Variants in SKIC2 observed in about 807,000 individuals in gnomAD.
SKIC2 encodes SKI2 subunit of superkiller complex, also known as superkiller complex protein 2.
the SKIC2 span, chr6:31,960,080 C>T: frequency 6.2e-7 from 1 of 1,613,114 alleles, no homozygotes; most frequent in East Asian, 2.2e-5. Flanking sequence ...CTGTCATCCC[C>T]AGCCTGGCTG....
chr6:31,963,264 T>G, the SKIC2 span: 3 of 851,516 alleles, frequency 3.5e-6, no homozygotes, highest in Non-Finnish European at 5.4e-6. This position sits in a 1 kb window ranked among gnomAD's most constrained non-coding sequence, Gnocchi z 5.3. Flanking sequence ...TTACTTTGCA[T>G]GTTGAAATGG....
the SKIC2 span, chr6:31,964,079 A>G: frequency 6.2e-7 from 1 of 1,612,658 alleles, no homozygotes; most frequent in Admixed American, 1.7e-5. This position sits in a 1 kb window ranked among gnomAD's most constrained non-coding sequence, Gnocchi z 5.0. Context: ...CTCTTCCTGC[A>G]GCGCTGCCTT....
the SKIC2 span, chr6:31,965,667 C>T: frequency 5.6e-5 from 36 of 648,312 alleles, no homozygotes; most frequent in South Asian, 6.1e-4. The surrounding 1 kb of genome is among the most constrained non-coding windows in gnomAD (Gnocchi z 5.6). Flanking sequence ...AGTGAGATCC[C>T]ATAAGTAACA....
chr6:31,962,506 G>A, the SKIC2 span: 40 of 1,613,906 alleles, frequency 2.5e-5, no homozygotes, highest in Middle Eastern at 1.6e-4. This position sits in a 1 kb window ranked among gnomAD's most constrained non-coding sequence, Gnocchi z 5.0. Context: ...AAACACATTC[G>A]GGGATGTGGG....
At chr6:31,963,419 G>A in the SKIC2 span, 3 of 1,565,136 alleles carry the variant, frequency 1.9e-6, no homozygotes, top group Non-Finnish European at 2.6e-6. This position sits in a 1 kb window ranked among gnomAD's most constrained non-coding sequence, Gnocchi z 5.3. Context: ...TCAGGCGGCT[G>A]AAGCGTCGTC....
At chr6:31,960,632 C>A in the SKIC2 span, 1 of 1,584,230 alleles carries the variant, frequency 6.3e-7, no homozygotes. Flanking sequence ...TTACCCTCAT[C>A]CCATGAATCC....
chr6:31,960,585 T>C, the SKIC2 span: 1 of 1,581,132 alleles, frequency 6.3e-7, no homozygotes, highest in Non-Finnish European at 8.7e-7. Context: ...AGAGGGTGTC[T>C]TTAATCTCCA....
chr6:31,967,254 T>A, the SKIC2 span: 1 of 1,611,474 alleles, frequency 6.2e-7, no homozygotes, highest in Non-Finnish European at 8.5e-7. This position sits in a 1 kb window ranked among gnomAD's most constrained non-coding sequence, Gnocchi z 4.9. Flanking sequence ...CCTCCTCCCA[T>A]CTGTCCTTTG....
the SKIC2 span, chr6:31,959,325 A>T: frequency 5.0e-6 from 8 of 1,613,572 alleles, no homozygotes; most frequent in African/African-American, 9.4e-5. Context: ...CCCTGGACCT[A>T]CCCCTTCGGG....
the SKIC2 span, chr6:31,960,201 T>C: frequency 6.2e-7 from 1 of 1,611,042 alleles, no homozygotes; most frequent in Non-Finnish European, 8.5e-7. Flanking sequence ...GACCCAAAAG[T>C]TACTATTTTT....
chr6:31,967,046 GCT>G, the SKIC2 span: 2 of 1,613,056 alleles, frequency 1.2e-6, no homozygotes, highest in Non-Finnish European at 1.7e-6. This position sits in a 1 kb window ranked among gnomAD's most constrained non-coding sequence, Gnocchi z 4.9. Context: ...GAGGCTGGGA[GCT>G]TTGGAGGAGC....
chr6:31,963,397 C>A, the SKIC2 span: 7 of 1,532,986 alleles, frequency 4.6e-6, no homozygotes, highest in Non-Finnish European at 5.3e-6. The surrounding 1 kb of genome is among the most constrained non-coding windows in gnomAD (Gnocchi z 5.3). Flanking sequence ...GACCTGCTTC[C>A]CTCTCCTTTC....
chr6:31,962,074 C>T, the SKIC2 span: 1 of 1,609,906 alleles, frequency 6.2e-7, no homozygotes, highest in Non-Finnish European at 8.5e-7. The surrounding 1 kb of genome is among the most constrained non-coding windows in gnomAD (Gnocchi z 5.0). Context: ...CCTTTGCCAA[C>T]CTCCCCCTTC....
chr6:31,968,788 C>A, the SKIC2 span: 5 of 1,609,542 alleles, frequency 3.1e-6, no homozygotes, highest in Non-Finnish European at 4.2e-6. This position sits in a 1 kb window ranked among gnomAD's most constrained non-coding sequence, Gnocchi z 6.1. Flanking sequence ...GTACCATCAG[C>A]GAGTAGAGGT....
the SKIC2 span, chr6:31,964,094 G>A: frequency 3.4e-5 from 55 of 1,612,326 alleles, no homozygotes; most frequent in Middle Eastern, 1.6e-4. This position sits in a 1 kb window ranked among gnomAD's most constrained non-coding sequence, Gnocchi z 5.0. Context: ...TGCCTTGCTC[G>A]CCTCCGTGGC....
chr6:31,959,789 G>A, the SKIC2 span: 1 of 576,980 alleles, frequency 1.7e-6, no homozygotes, highest in South Asian at 2.2e-5. Context: ...TAGCCAGGGA[G>A]CTTTTTAAAA....
chr6:31,969,211 C>T, the SKIC2 span: 34 of 1,587,078 alleles, frequency 2.1e-5, no homozygotes, highest in African/African-American at 1.9e-4. The surrounding 1 kb of genome is among the most constrained non-coding windows in gnomAD (Gnocchi z 6.1). Flanking sequence ...AAATGGCTGC[C>T]TTCTTGATCT....
chr6:31,964,136 G>A, the SKIC2 span: 1 of 1,611,118 alleles, frequency 6.2e-7, no homozygotes, highest in Non-Finnish European at 8.5e-7. The surrounding 1 kb of genome is among the most constrained non-coding windows in gnomAD (Gnocchi z 5.0). Flanking sequence ...GTGCGTCTGT[G>A]TGCGTCTGTG....
chr6:31,966,998 C>T, the SKIC2 span: 2 of 1,612,996 alleles, frequency 1.2e-6, no homozygotes, highest in African/African-American at 2.7e-5. The surrounding 1 kb of genome is among the most constrained non-coding windows in gnomAD (Gnocchi z 5.9). Flanking sequence ...CCTGCTCCCA[C>T]CCAAGGCCCA....
Sources: allele counts gnomAD v4.1 joint callset, GRCh38; gene constraint gnomAD v4.1.1; non-coding constraint Gnocchi (gnomAD v3.1); transcripts MANE v1.5; gene names NCBI Gene and HGNC (gene_info 2026-07-23, HGNC 2026-07-21).